METTL9: variants seen among roughly 807,000 people sequenced by gnomAD.
METTL9 encodes the protein methyltransferase 9, His-X-His N1(pi)-histidine.
A neutral mutation model predicts 36.0 loss-of-function variants in METTL9; 10 were observed. That is an observed-to-expected ratio of 0.28 (90% confidence interval 0.17 to 0.47). The LOEUF (loss-of-function observed/expected upper bound fraction) is 0.47, where lower values mean the gene tolerates loss of function less well. Among genes scored for constraint, METTL9 ranks in the 20% least tolerant of loss-of-function variants. The probability of loss-of-function intolerance (pLI) is 0.99; values close to 1 mark genes in which losing one functional copy is unlikely to be tolerated. For missense variants in METTL9, 246 were observed against 383.5 expected (o/e 0.64, Z 3.00); for synonymous variants, 175 against 149.7 (o/e 1.17, Z -1.23).
intron 1 of METTL9, among the ~76,000 whole-genome samples, chr16:21,610,557 C>T (rs752353171): frequency 1.3e-5 from 2 of 152,202 alleles, no homozygotes; most frequent in South Asian, 4.1e-4. Context: ...GTTCAATAAG[C>T]AGTTTCTTTC....
At chr16:21,647,684 T>C (rs906277991) in intron 4 of METTL9, among the ~76,000 whole-genome samples, 2 of 152,160 alleles carry the variant, frequency 1.3e-5, no homozygotes, top group African/African-American at 4.8e-5. Context: ...CTTGACCTGC[T>C]GGGTCACATG....
chr16:21,628,757 G>A (rs947961942), intron 4 of METTL9, among the ~76,000 whole-genome samples: 3 of 152,040 alleles, frequency 2.0e-5, no homozygotes, highest in African/African-American at 7.3e-5. Context: ...TCGCCTCCCA[G>A]CGTGTTGGGA....
intron 1 of METTL9, chr16:21,612,310 G>A (rs1965443378): frequency 5.2e-6 from 1 of 193,686 alleles, no homozygotes; most frequent in East Asian, 1.2e-4. Context: ...TACAGTGACT[G>A]AAGCACTGGG....
intron 4 of METTL9, chr16:21,644,334 CAG>C: frequency 1.2e-6 from 2 of 1,614,024 alleles, no homozygotes; most frequent in Non-Finnish European, 1.7e-6. Flanking sequence ...GTCACATAGA[CAG>C]AGAGCAGTGA....
chr16:21,621,573 C>T (rs1266835839), intron 3 of METTL9, among the ~76,000 whole-genome samples: 2 of 152,022 alleles, frequency 1.3e-5, no homozygotes, highest in Admixed American at 6.6e-5. Context: ...GCAATCCGCC[C>T]GCCTTGGCCT....
chr16:21,618,223 C>T (rs892868334), intron 3 of METTL9, 149 bp downstream of exon 3: 2 of 718,388 alleles, frequency 2.8e-6, no homozygotes, highest in South Asian at 2.4e-5. Context: ...CTTCTGGTAG[C>T]AGTATTTTTC....
intron 1 of METTL9, among the ~76,000 whole-genome samples, chr16:21,601,786 GA>G (rs1965138140): frequency 7.0e-6 from 1 of 142,064 alleles, no homozygotes; most frequent in African/African-American, 2.7e-5. Context: ...CAATTCAGCA[GA>G]TAATTTCTTT....
At chr16:21,621,149 AGTGT>A (rs112846012) in intron 3 of METTL9, among the ~76,000 whole-genome samples, 28 of 144,680 alleles carry the variant, frequency 1.9e-4, no homozygotes, top group South Asian at 4.5e-4. Context: ...TGAGAGAGAG[AGTGT>A]GTGTGTGTGT....
intron 4 of METTL9, among the ~76,000 whole-genome samples, chr16:21,632,812 T>C (rs1196046547): frequency 6.6e-6 from 1 of 152,140 alleles, no homozygotes; most frequent in East Asian, 1.9e-4. Context: ...CTACATCAAT[T>C]TCCTTACTTA....
chr16:21,629,159 G>A (rs984264097), intron 4 of METTL9, among the ~76,000 whole-genome samples: 10 of 152,036 alleles, frequency 6.6e-5, no homozygotes, highest in African/African-American at 2.4e-4. Context: ...CCAAAGTGCT[G>A]TGATTACATT....
intron 4 of METTL9, chr16:21,647,352 A>C: frequency 1.2e-6 from 2 of 1,614,192 alleles, no homozygotes; most frequent in Non-Finnish European, 1.7e-6. Context: ...TGAGCACCGT[A>C]GCGAAACCAC....
intron 1 of METTL9, among the ~76,000 whole-genome samples, chr16:21,609,792 T>G (rs1016840676): frequency 6.6e-6 from 1 of 152,130 alleles, no homozygotes; most frequent in African/African-American, 2.4e-5. Flanking sequence ...ATAAGCCATA[T>G]TAAGCATTTT....
chr16:21,643,933 A>G (rs1269462248), intron 4 of METTL9, among the ~76,000 whole-genome samples: 1 of 152,090 alleles, frequency 6.6e-6, no homozygotes. Context: ...TTTGTTCTTA[A>G]AGACTGTTCT....
In METTL9 at chr16:21,603,601, T is replaced by C. The variant is rs192689243; in HGVS notation, c.165+3703T>C. On this transcript the variant is annotated intron_variant, in intron 1 of 4. Transcript: ENST00000358154. ...ACAAAAAACTTAGGATCTATTCTTT[T>C]TGATGCATTGCACCTAGTGCTTAAA... Among the ~76,000 whole-genome samples, 251 of 152,334 alleles carry C rather than the reference T, an allele frequency of 1.6e-3. 1 individual carries two copies. The highest frequency in any genetic ancestry group is 2.3e-3 in the Non-Finnish European group (156 of 68,028).
intron 4 of METTL9, among the ~76,000 whole-genome samples, chr16:21,633,588 C>T (rs1242000759): frequency 6.6e-6 from 1 of 152,098 alleles, no homozygotes; most frequent in Non-Finnish European, 1.5e-5. Flanking sequence ...GAACAGTGCA[C>T]CATTCTGCCT....
At chr16:21,654,029 C>CTTTTT (rs1966644945) in intron 4 of METTL9, 1 of 141,588 alleles carries the variant, frequency 7.1e-6, no homozygotes, top group African/African-American at 2.7e-5. Flanking sequence ...TATTCTCAGT[C>CTTTTT]TGTTTTGTTT....
chr16:21,624,941 A>G lies in METTL9; in HGVS notation c.577A>G (p.Ile193Val), dbSNP rs1198719813. The change falls in exon 4 of 5, where the codon ATA (isoleucine) becomes GTA (valine). Residue 193 changes from isoleucine to valine, a missense_variant. This residue lies in a region of METTL9 where 146 missense variants were observed against 302.1 expected (regional missense o/e 0.48). Transcript: ENST00000358154. Reference sequence around the variant, plus strand: ...TTCTGATTTTTCTAGAGTCCTTGGTATAAATGAATGGCAGAATACGGGGTT... The same window carrying G: ...TTCTGATTTTTCTAGAGTCCTTGGTGTAAATGAATGGCAGAATACGGGGTT... The part of the protein sequence containing the change: ...LQKKKYRVLG[I>V]NEWQNTGFQY... 5.6e-6 allele frequency: 9 copies of G among 1,614,014 alleles called. No homozygotes were observed. Among genetic ancestry groups the G allele is most frequent in the Admixed American group, 1.7e-5 (1 of 60,016 alleles).
intron 4 of METTL9, among the ~76,000 whole-genome samples, chr16:21,638,764 C>G (rs988642465): frequency 2.0e-5 from 3 of 152,058 alleles, no homozygotes; most frequent in Non-Finnish European, 4.4e-5. Flanking sequence ...AGCATTTTAC[C>G]AGGCTGAGGG....
At chr16:21,608,910 A>G (rs918478810) in intron 1 of METTL9, among the ~76,000 whole-genome samples, 1 of 152,222 alleles carries the variant, frequency 6.6e-6, no homozygotes, top group African/African-American at 2.4e-5. Flanking sequence ...AGTTAAGTGA[A>G]GAGAAGCTTC....
Sources: allele counts gnomAD v4.1 joint callset (sites outside exome capture counted in the v4.1 genomes callset), GRCh38; gene constraint gnomAD v4.1.1; regional missense constraint gnomAD v4.1.1; transcripts MANE v1.5; gene names NCBI Gene and HGNC (gene_info 2026-07-23, HGNC 2026-07-21).